PDCD10: variants seen among roughly 807,000 people sequenced by gnomAD.
The protein encoded by PDCD10 is programmed cell death protein 10.
A neutral mutation model predicts 29.2 loss-of-function variants in PDCD10; 4 were observed. That is an observed-to-expected ratio of 0.14 (90% CI 0.07 to 0.31). The LOEUF (loss-of-function observed/expected upper bound fraction) is 0.31, where lower values mean the gene tolerates loss of function less well. Among genes scored for constraint, PDCD10 ranks in the 10% least tolerant of loss-of-function variants. The pLI is 1.00. For missense variants in PDCD10, 183 were observed against 257.9 expected (o/e 0.71, Z 1.99); for synonymous variants, 70 against 82.2 (o/e 0.85, Z 0.80).
intron 2 of PDCD10, among the ~76,000 whole-genome samples, chr3:167,731,291 A>AGGACAGT (rs1577382469): frequency 6.6e-6 from 1 of 152,224 alleles, no homozygotes; most frequent in East Asian, 1.9e-4. Context: ...TGCAAAAAGC[A>AGGACAGT]GGACAGTGAT....
chr3:167,714,676 A>G lies in PDCD10; in HGVS notation c.96+5386T>C, dbSNP rs187033386. On this transcript the variant is annotated intron_variant, in intron 3 of 8. Coordinates refer to ENST00000392750, the MANE Select transcript of PDCD10 (RefSeq NM_007217.4). ...AAAATCTGAAAAAAACATTTAAAAAAGTAATCCCATTTACAGTAGCCACAA... is the reference window on the plus strand; with the variant it reads ...AAAATCTGAAAAAAACATTTAAAAAGGTAATCCCATTTACAGTAGCCACAA... 4.3e-3 allele frequency among the ~76,000 whole-genome samples: 661 copies of G among 152,112 alleles called. 23 individuals carry two copies. Among genetic ancestry groups the G allele is most frequent in the Admixed American group, 0.041 (625 of 15,260 alleles).
chr3:167,723,828 T>C lies in PDCD10; in HGVS notation c.-116-3555A>G, dbSNP rs184565558. Among the ~76,000 whole-genome samples the C allele has an allele frequency of 2.3e-3, 345 of 152,338 alleles. 1 individual carries two copies. The highest frequency in any genetic ancestry group is 7.7e-3 in the African/African-American group (322 of 41,582). On this transcript the variant is annotated intron_variant, in intron 2 of 8. Transcript: ENST00000392750. ...TCTTCAAAAACACCCATTGTGATAT[T>C]GGGATATCAACACAGAGTATAAGCA...
Position 167,718,907 on chromosome 3 carries a change from T to C in PDCD10, c.96+1155A>G, listed in dbSNP as rs571607531. ...TATGTGACAGAGAAATAAATTTTTA[T>C]CCAAGCCACCATTTTGTCCATTCTT... On this transcript the variant is annotated intron_variant, in intron 3 of 8. Transcript: ENST00000392750. 1.2e-4 allele frequency among the ~76,000 whole-genome samples: 18 copies of C among 152,138 alleles called. No individual in the cohort carries two copies. In the South Asian group the frequency reaches 3.7e-3, roughly 32 times the overall value.
At chr3:167,686,924 T>TAAAC (rs1231180533) in intron 8 of PDCD10, among the ~76,000 whole-genome samples, 8 of 152,236 alleles carry the variant, frequency 5.3e-5, no homozygotes, top group Admixed American at 1.3e-4. Flanking sequence ...CCCCCTTGTT[T>TAAAC]GTACATTGTC....
chr3:167,724,473 T>C (rs994899947), intron 2 of PDCD10, among the ~76,000 whole-genome samples: 15 of 152,314 alleles, frequency 9.8e-5, no homozygotes, highest in Middle Eastern at 3.4e-3. Flanking sequence ...GTGTGTTCAT[T>C]CTAGCAGTGA....
At chr3:167,733,551 G>A (rs1203174291) in intron 2 of PDCD10, among the ~76,000 whole-genome samples, 1 of 152,090 alleles carries the variant, frequency 6.6e-6, no homozygotes, top group African/African-American at 2.4e-5. Context: ...ACAGCCCAGA[G>A]TCAAGAAAAT....
chr3:167,733,087 G>GA (rs1724982897), intron 2 of PDCD10, among the ~76,000 whole-genome samples: 1 of 151,976 alleles, frequency 6.6e-6, no homozygotes, highest in Non-Finnish European at 1.5e-5. Context: ...CCTCTGTTCC[G>GA]AAAAAATGTT....
chr3:167,733,295 A>G (rs1362007943), intron 2 of PDCD10, among the ~76,000 whole-genome samples: 5 of 152,238 alleles, frequency 3.3e-5, no homozygotes, highest in Non-Finnish European at 7.3e-5. Flanking sequence ...CCATCAATGA[A>G]CATACTCTAA....
intron 8 of PDCD10, among the ~76,000 whole-genome samples, chr3:167,686,065 C>T (rs1719588334): frequency 6.6e-6 from 1 of 152,106 alleles, no homozygotes; most frequent in South Asian, 2.1e-4. Context: ...ATATAGAGAT[C>T]TTAAAACCTG....
intron 6 of PDCD10, among the ~76,000 whole-genome samples, chr3:167,689,393 T>C (rs1234438151): frequency 6.6e-6 from 1 of 152,208 alleles, no homozygotes; most frequent in Non-Finnish European, 1.5e-5. Context: ...GCAAATTACA[T>C]AGTGATCAGA....
chr3:167,686,340 C>G (rs1719626225), intron 8 of PDCD10, among the ~76,000 whole-genome samples: 1 of 152,016 alleles, frequency 6.6e-6, no homozygotes, highest in African/African-American at 2.4e-5. Flanking sequence ...AGTATATTTC[C>G]TATTTTATAG....
chr3:167,695,758 G>C, intron 5 of PDCD10, 36 bp from the exon 6 acceptor site: 1 of 1,604,130 alleles, frequency 6.2e-7, no homozygotes, highest in Middle Eastern at 1.7e-4. Flanking sequence ...AACATCCTGC[G>C]ACTCTCTGCC....
chr3:167,702,776 T>TA (rs1411990402), intron 4 of PDCD10, among the ~76,000 whole-genome samples: 1 of 152,210 alleles, frequency 6.6e-6, no homozygotes, highest in East Asian at 1.9e-4. Context: ...AGTTGTAATT[T>TA]AAAAAATACA....
intron 2 of PDCD10, among the ~76,000 whole-genome samples, chr3:167,720,629 T>C (rs1723472916): frequency 6.6e-6 from 1 of 152,084 alleles, no homozygotes; most frequent in African/African-American, 2.4e-5. Context: ...TTATAATATT[T>C]ATACATAATA....
At chr3:167,702,560 CACCTCTA>C (rs1721555186) in intron 4 of PDCD10, among the ~76,000 whole-genome samples, 1 of 152,158 alleles carries the variant, frequency 6.6e-6, no homozygotes, top group Admixed American at 6.5e-5. Context: ...AGGGGGTCAG[CACCTCTA>C]ACCTCCACAC....
At chr3:167,710,066 T>G (rs1340742181) in intron 3 of PDCD10, among the ~76,000 whole-genome samples, 1 of 152,104 alleles carries the variant, frequency 6.6e-6, no homozygotes, top group South Asian at 2.1e-4. Flanking sequence ...ACTCGGGCCC[T>G]GAATAAACAA....
intron 4 of PDCD10, among the ~76,000 whole-genome samples, chr3:167,702,649 C>A (rs1721566084): frequency 6.6e-6 from 1 of 152,174 alleles, no homozygotes; most frequent in Non-Finnish European, 1.5e-5. Flanking sequence ...TTTTAATCCT[C>A]TTTTCCCTCC....
chr3:167,698,867 T>G (rs978678941), intron 4 of PDCD10, among the ~76,000 whole-genome samples: 1 of 152,174 alleles, frequency 6.6e-6, no homozygotes, highest in Non-Finnish European at 1.5e-5. Context: ...CAAGCTGGTC[T>G]GGGACCCCAA....
At chr3:167,704,666 C>T (rs963373360) in intron 4 of PDCD10, 176 bp downstream of exon 4, 1 of 532,474 alleles carries the variant, frequency 1.9e-6, no homozygotes, top group Non-Finnish European at 3.4e-6. Context: ...AACGAAATAA[C>T]ATTTGTTCTA....
Sources: gnomAD v4.1 joint callset for allele counts (sites outside exome capture counted in the v4.1 genomes callset) on GRCh38, gnomAD v4.1.1 for gene constraint, MANE v1.5 for transcripts, NCBI Gene and HGNC (gene_info 2026-07-23, HGNC 2026-07-21) for gene names.